GRM7: variants seen among roughly 807,000 people sequenced by gnomAD.
The protein encoded by GRM7 is metabotropic glutamate receptor 7.
In GRM7, 35 loss-of-function variants were observed where a neutral mutation model predicts 84.5. The ratio of observed to expected loss-of-function variants is 0.41; its 90% CI spans 0.32 to 0.55. The LOEUF is 0.55. Among genes scored for constraint, GRM7 ranks in the 20% least tolerant of loss-of-function variants. The pLI, the probability that GRM7 is intolerant of heterozygous loss-of-function variation, is 0.19. For synonymous variants in GRM7, 487 were observed against 455.1 expected (o/e 1.07, Z -0.89); for missense variants, 1,003 against 1,194.6 (o/e 0.84, Z 2.36).
intron 1 of GRM7, among the ~76,000 whole-genome samples, chr3:7,026,231 G>A (rs1695977692): frequency 6.6e-6 from 1 of 152,178 alleles, no homozygotes; most frequent in Non-Finnish European, 1.5e-5. Context: ...AGCAGCTGAG[G>A]TTGTTAACTA....
chr3:7,609,458 AG>A lies in GRM7; in HGVS notation c.2451+30104del, dbSNP rs140109727. Among the ~76,000 whole-genome samples the A allele has an allele frequency of 5.2e-3, 785 of 152,312 alleles. 7 individuals are homozygous for A. Among genetic ancestry groups the A allele is most frequent in the African/African-American group, 0.018 (749 of 41,570 alleles). The stretch of plus-strand genomic sequence containing the variant: ...GATTGCTGGAACGATATTCTTGAAC[AG>A]GGCAGAGTAGAGGAGCTCTAGACCA... On this transcript the variant is annotated intron_variant, in intron 8 of 9. Transcript: ENST00000357716.
chr3:7,525,569 A>T (rs1700762179), intron 7 of GRM7, among the ~76,000 whole-genome samples: 1 of 152,016 alleles, frequency 6.6e-6, no homozygotes, highest in African/African-American at 2.4e-5. Flanking sequence ...TGTATGAATG[A>T]ATTATTTAGG....
intron 2 of GRM7, among the ~76,000 whole-genome samples, chr3:7,237,155 C>T (rs1291078159): frequency 6.6e-6 from 1 of 152,146 alleles, no homozygotes; most frequent in African/African-American, 2.4e-5. Flanking sequence ...GCAAGTCACT[C>T]TGTCATTGTG....
intron 9 of GRM7, among the ~76,000 whole-genome samples, chr3:7,714,310 C>G (rs1701701249): frequency 6.6e-6 from 1 of 152,174 alleles, no homozygotes; most frequent in South Asian, 2.1e-4. Context: ...TAAAATCCAA[C>G]TGGGTCTCTT....
intron 7 of GRM7, 64 bp from the exon 8 acceptor site, chr3:7,578,358 G>T: frequency 1.9e-6 from 2 of 1,061,920 alleles, no homozygotes; most frequent in African/African-American, 1.6e-5. Flanking sequence ...GTTTGCTGCT[G>T]GTGTTCTTTT....
chr3:7,534,825 A>G (rs914614542), intron 7 of GRM7, among the ~76,000 whole-genome samples: 3 of 152,186 alleles, frequency 2.0e-5, no homozygotes, highest in Non-Finnish European at 4.4e-5. Context: ...TGGTGAATCT[A>G]TCGAGAAATC....
intron 7 of GRM7, among the ~76,000 whole-genome samples, chr3:7,517,742 G>C (rs1012131030): frequency 1.3e-5 from 2 of 152,048 alleles, no homozygotes; most frequent in Non-Finnish European, 2.9e-5. Flanking sequence ...GGTCTTATCC[G>C]GGCCAGGTAT....
intron 4 of GRM7, among the ~76,000 whole-genome samples, chr3:7,369,432 A>G (rs1280189765): frequency 6.6e-6 from 1 of 151,778 alleles, no homozygotes; most frequent in Non-Finnish European, 1.5e-5. Context: ...TTTTTCCCAG[A>G]AAGATGAGTC....
intron 9 of GRM7, among the ~76,000 whole-genome samples, chr3:7,715,461 G>A (rs1045816826): frequency 6.6e-6 from 1 of 152,050 alleles, no homozygotes; most frequent in Non-Finnish European, 1.5e-5. Flanking sequence ...GCATGACCCT[G>A]TCTCAAAACA....
intron 5 of GRM7, among the ~76,000 whole-genome samples, chr3:7,422,200 T>C (rs919215021): frequency 2.0e-5 from 3 of 152,158 alleles, no homozygotes; most frequent in Non-Finnish European, 4.4e-5. Flanking sequence ...GTAAATATTT[T>C]AGGCATTATG....
intron 1 of GRM7, among the ~76,000 whole-genome samples, chr3:6,994,330 GT>G (rs1694755780): frequency 6.6e-6 from 1 of 152,150 alleles, no homozygotes; most frequent in Non-Finnish European, 1.5e-5. Context: ...AAGGAATGTG[GT>G]TTTGTTTCTC....
intron 4 of GRM7, among the ~76,000 whole-genome samples, chr3:7,406,993 G>C (rs973038761): frequency 2.6e-5 from 4 of 152,180 alleles, no homozygotes; most frequent in Non-Finnish European, 5.9e-5. Flanking sequence ...TAGTGTGGAA[G>C]GAGGAAGGGT....
chr3:7,005,116 TC>T (rs1347841548), intron 1 of GRM7, among the ~76,000 whole-genome samples: 1 of 152,196 alleles, frequency 6.6e-6, no homozygotes, highest in Admixed American at 6.5e-5. Context: ...AGATGGCAGT[TC>T]TTGTCTTCGA....
chr3:7,506,663 T>C (rs1199052999), intron 7 of GRM7, among the ~76,000 whole-genome samples: 1 of 152,226 alleles, frequency 6.6e-6, no homozygotes, highest in Non-Finnish European at 1.5e-5. Context: ...ACGGGCCTTC[T>C]TCTTGTGTCA....
chr3:7,001,107 A>G (rs1222400938), intron 1 of GRM7, among the ~76,000 whole-genome samples: 1 of 152,206 alleles, frequency 6.6e-6, no homozygotes, highest in East Asian at 1.9e-4. Context: ...GAAGAAAACT[A>G]TTTGAGAATT....
intron 2 of GRM7, among the ~76,000 whole-genome samples, chr3:7,298,347 G>A (rs1009368569): frequency 2.0e-5 from 3 of 152,102 alleles, no homozygotes; most frequent in African/African-American, 7.2e-5. Context: ...TTATTAAGGG[G>A]TATTGCATTC....
At chr3:6,903,594 A>G (rs1374047469) in intron 1 of GRM7, among the ~76,000 whole-genome samples, 1 of 152,110 alleles carries the variant, frequency 6.6e-6, no homozygotes, top group Non-Finnish European at 1.5e-5. Context: ...TCCATTATAA[A>G]GCAATTATCA....
At chr3:7,722,812 C>T (rs969143554) in intron 9 of GRM7, among the ~76,000 whole-genome samples, 1 of 151,856 alleles carries the variant, frequency 6.6e-6, no homozygotes, top group Non-Finnish European at 1.5e-5. Flanking sequence ...GAATTAGAGA[C>T]AGGGTCTCAC....
intron 1 of GRM7, among the ~76,000 whole-genome samples, chr3:7,021,685 T>C (rs1170671038): frequency 6.6e-6 from 1 of 152,240 alleles, no homozygotes; most frequent in Non-Finnish European, 1.5e-5. Context: ...TGTCTTTGCT[T>C]CTTAATATGG....
Sources: gnomAD v4.1 joint callset for allele counts (sites outside exome capture counted in the v4.1 genomes callset) on GRCh38, gnomAD v4.1.1 for gene constraint, MANE v1.5 for transcripts, NCBI Gene and HGNC (gene_info 2026-07-23, HGNC 2026-07-21) for gene names.